SLC8A1: variants seen among roughly 807,000 people sequenced by gnomAD.
SLC8A1 encodes sodium/calcium exchanger 1.
SLC8A1 carries 18 observed loss-of-function variants against 68.3 expected under a neutral mutation model. The observed-to-expected ratio is 0.26, with a 90% CI of 0.18 to 0.39. The LOEUF is 0.39. Among genes scored for constraint, SLC8A1 ranks in the 10% least tolerant of loss-of-function variants. The pLI is 1.00. For missense variants in SLC8A1, 985 were observed against 1,156.7 expected (o/e 0.85, Z 2.15); for synonymous variants, 475 against 415.5 (o/e 1.14, Z -1.74).
At chr2:40,461,532 C>T (rs1308119148) in intron 1 of SLC8A1, among the ~76,000 whole-genome samples, 1 of 152,078 alleles carries the variant, frequency 6.6e-6, no homozygotes, top group South Asian at 2.1e-4. Flanking sequence ...TTGCCCACTC[C>T]GCGCCCCTGC....
chr2:40,196,584 T>G (rs980870244), intron 2 of SLC8A1, among the ~76,000 whole-genome samples: 1 of 152,020 alleles, frequency 6.6e-6, no homozygotes, highest in Admixed American at 6.6e-5. Flanking sequence ...TCTATAGTGC[T>G]GAAAAGCTCC....
intron 2 of SLC8A1, among the ~76,000 whole-genome samples, chr2:40,325,556 T>C (rs1406262150): frequency 6.6e-6 from 1 of 152,132 alleles, no homozygotes; most frequent in Non-Finnish European, 1.5e-5. Context: ...TGTTATATTA[T>C]AATACCATTA....
intron 2 of SLC8A1, among the ~76,000 whole-genome samples, chr2:40,361,795 A>C (rs1352580750): frequency 6.6e-6 from 1 of 152,024 alleles, no homozygotes; most frequent in Non-Finnish European, 1.5e-5. Flanking sequence ...AATGAGAAAT[A>C]AATTCATTTA....
At chr2:40,329,479 C>G (rs145335954) in intron 2 of SLC8A1, among the ~76,000 whole-genome samples, 1 of 152,190 alleles carries the variant, frequency 6.6e-6, no homozygotes, top group South Asian at 2.1e-4. Flanking sequence ...ATTGGAAGAT[C>G]TCTTGCTAAA....
intron 2 of SLC8A1, among the ~76,000 whole-genome samples, chr2:40,424,344 G>T (rs2149761679): frequency 6.6e-6 from 1 of 151,754 alleles, no homozygotes; most frequent in East Asian, 1.9e-4. Flanking sequence ...TAAGTCTATA[G>T]AGAATTCTAT....
chr2:40,404,810 T>C (rs896884999), intron 2 of SLC8A1, among the ~76,000 whole-genome samples: 7 of 152,186 alleles, frequency 4.6e-5, no homozygotes, highest in South Asian at 2.1e-4. Context: ...AAGGCCCCCA[T>C]TGCTGTTCAA....
chr2:40,246,134 CTG>C (rs1179704040), intron 2 of SLC8A1, among the ~76,000 whole-genome samples: 2 of 152,134 alleles, frequency 1.3e-5, no homozygotes, highest in African/African-American at 4.8e-5. Context: ...AATTTTTAAA[CTG>C]TGCACATAGA....
At chr2:40,269,575 G>A (rs1432186008) in intron 2 of SLC8A1, among the ~76,000 whole-genome samples, 1 of 152,122 alleles carries the variant, frequency 6.6e-6, no homozygotes, top group East Asian at 1.9e-4. Context: ...TACATAGGAT[G>A]GAACATTACA....
intron 2 of SLC8A1, among the ~76,000 whole-genome samples, chr2:40,292,526 G>A (rs1475889842): frequency 6.6e-6 from 1 of 152,144 alleles, no homozygotes; most frequent in East Asian, 1.9e-4. Context: ...GGATTTACAT[G>A]ATTATCCATC....
chr2:40,356,028 A>G (rs1345476392), intron 2 of SLC8A1, among the ~76,000 whole-genome samples: 1 of 152,032 alleles, frequency 6.6e-6, no homozygotes, highest in East Asian at 1.9e-4. Context: ...GGTTACGCAC[A>G]TGCTGTTCTT....
At chr2:40,179,256 G>A (rs189226550) in intron 2 of SLC8A1, among the ~76,000 whole-genome samples, 11 of 152,276 alleles carry the variant, frequency 7.2e-5, no homozygotes, top group Non-Finnish European at 1.3e-4. Context: ...TTCTTCCAAA[G>A]TTGAGTTTTA....
chr2:40,374,106 AC>A (rs1679032988), intron 2 of SLC8A1, among the ~76,000 whole-genome samples: 1 of 152,162 alleles, frequency 6.6e-6, no homozygotes, highest in Non-Finnish European at 1.5e-5. Context: ...AAACCACACA[AC>A]CAGGAAAAAA....
intron 2 of SLC8A1, among the ~76,000 whole-genome samples, chr2:40,230,431 G>A (rs2059505329): frequency 6.6e-6 from 1 of 152,022 alleles, no homozygotes; most frequent in Admixed American, 6.6e-5. Context: ...CATTATAACA[G>A]CCACACATTG....
chr2:40,284,668 A>G (rs1416468624), intron 2 of SLC8A1, among the ~76,000 whole-genome samples: 2 of 149,748 alleles, frequency 1.3e-5, no homozygotes, highest in Non-Finnish European at 3.0e-5. Flanking sequence ...ATAAATATAT[A>G]TATACACACA....
At chr2:40,177,788 G>A in exon 3 of SLC8A1, 1 of 1,551,038 alleles carries the variant, frequency 6.4e-7, no homozygotes, top group Non-Finnish European at 8.7e-7. Flanking sequence ...GGTTCCTCAA[G>A]CACAAGGGAG....
At chr2:40,471,785 T>C (rs922859623) in intron 1 of SLC8A1, among the ~76,000 whole-genome samples, 1 of 152,230 alleles carries the variant, frequency 6.6e-6, no homozygotes, top group African/African-American at 2.4e-5. Flanking sequence ...AAACGTCAGC[T>C]ACCTTTGGCA....
exon 2 of SLC8A1, chr2:40,429,207 T>C: frequency 6.2e-7 from 1 of 1,613,864 alleles, no homozygotes; most frequent in Non-Finnish European, 8.5e-7. Flanking sequence ...CTCTACTTTT[T>C]TGCTGCTGAC....
At chr2:40,331,146 G>C in intron 2 of SLC8A1, among the ~76,000 whole-genome samples, 1 of 152,180 alleles carries the variant, frequency 6.6e-6, no homozygotes, top group East Asian at 1.9e-4. Context: ...TCTATGGTAT[G>C]AGATTGTTAT....
chr2:40,479,155 C>T (rs552875393), intron 1 of SLC8A1, among the ~76,000 whole-genome samples: 1 of 152,314 alleles, frequency 6.6e-6, no homozygotes, highest in South Asian at 2.1e-4. Flanking sequence ...AAGATTTAGA[C>T]ATGTGACTGT....
Sources: allele counts gnomAD v4.1 joint callset (sites outside exome capture counted in the v4.1 genomes callset), GRCh38; gene constraint gnomAD v4.1.1; transcripts MANE v1.5; gene names NCBI Gene and HGNC (gene_info 2026-07-23, HGNC 2026-07-21).